GALNTL6: variants seen among roughly 807,000 people sequenced by gnomAD.
GALNTL6 encodes the protein polypeptide N-acetylgalactosaminyltransferase-like 6.
GALNTL6 carries 46 observed loss-of-function variants against 73.7 expected under a neutral mutation model. The observed-to-expected ratio is 0.62, with a 90% CI of 0.49 to 0.80. The LOEUF (loss-of-function observed/expected upper bound fraction) is 0.80, where lower values mean the gene tolerates loss of function less well. Among genes scored for constraint, GALNTL6 ranks in the 30% least tolerant of loss-of-function variants. The pLI is 0.00. For missense variants in GALNTL6, 604 were observed against 755.0 expected (o/e 0.80, Z 2.34); for synonymous variants, 259 against 263.7 (o/e 0.98, Z 0.17).
chr4:172,370,537 AGGAGAAT>A (rs1181262321), intron 5 of GALNTL6, among the ~76,000 whole-genome samples: 6 of 147,770 alleles, frequency 4.1e-5, no homozygotes, highest in Non-Finnish European at 8.9e-5. Context: ...TGGCTGAGGC[AGGAGAAT>A]GGTGTGAACC....
At chr4:172,227,708 C>T (rs73870039) in intron 2 of GALNTL6, among the ~76,000 whole-genome samples, 1,861 of 152,192 alleles carry the variant, frequency 0.012, 35 homozygotes, top group African/African-American at 0.041. Flanking sequence ...GCATCTGATG[C>T]TTTATTGTCA....
intron 9 of GALNTL6, among the ~76,000 whole-genome samples, chr4:172,943,320 G>T (rs1347061999): frequency 6.6e-6 from 1 of 152,068 alleles, no homozygotes; most frequent in Non-Finnish European, 1.5e-5. Flanking sequence ...CTTGGAAAAA[G>T]ATCTTCCAGC....
intron 2 of GALNTL6, among the ~76,000 whole-genome samples, chr4:171,937,885 C>T (rs1453604204): frequency 6.6e-6 from 1 of 152,012 alleles, no homozygotes; most frequent in East Asian, 1.9e-4. Context: ...GATAAAAAGG[C>T]TCAGTAATTA....
chr4:172,316,686 A>G (rs912083699), intron 4 of GALNTL6, among the ~76,000 whole-genome samples: 3 of 152,210 alleles, frequency 2.0e-5, no homozygotes, highest in African/African-American at 7.2e-5. Flanking sequence ...ACCATTTGAG[A>G]GATAGCCCCA....
intron 5 of GALNTL6, among the ~76,000 whole-genome samples, chr4:172,593,113 T>A (rs1458461321): frequency 6.6e-6 from 1 of 152,162 alleles, no homozygotes. Context: ...AACAGAGTAA[T>A]ATAAAATGCT....
chr4:172,003,192 G>A (rs1305747740), intron 2 of GALNTL6, among the ~76,000 whole-genome samples: 1 of 151,798 alleles, frequency 6.6e-6, no homozygotes, highest in African/African-American at 2.4e-5. Context: ...AGACAATTTT[G>A]CATTTTTTAT....
At chr4:172,389,477 A>G (rs926285318) in intron 5 of GALNTL6, among the ~76,000 whole-genome samples, 1 of 152,120 alleles carries the variant, frequency 6.6e-6, no homozygotes, top group African/African-American at 2.4e-5. Context: ...TTAAAAGGTT[A>G]GAAATTAAGT....
intron 5 of GALNTL6, among the ~76,000 whole-genome samples, chr4:172,792,569 A>G (rs150936078): frequency 6.6e-6 from 1 of 152,138 alleles, no homozygotes; most frequent in East Asian, 1.9e-4. Context: ...GCATTTAAAT[A>G]TTATAGTCAC....
chr4:172,560,184 C>T (rs1198077310), intron 5 of GALNTL6, among the ~76,000 whole-genome samples: 3 of 152,092 alleles, frequency 2.0e-5, no homozygotes, highest in Admixed American at 2.0e-4. Context: ...TTAAAAGAAG[C>T]AGAAGTGAGG....
At chr4:171,877,851 G>A (rs762296777) in intron 2 of GALNTL6, among the ~76,000 whole-genome samples, 2 of 152,192 alleles carry the variant, frequency 1.3e-5, no homozygotes, top group Non-Finnish European at 2.9e-5. Context: ...ATCGATTGAT[G>A]TTGAAAATGC....
In GALNTL6 at chr4:172,166,006, A is replaced by G. The variant is rs148369518; in HGVS notation, c.139-63650A>G. Among the ~76,000 whole-genome samples the G allele has an allele frequency of 1.7e-3, 260 of 152,362 alleles. 1 individual carries two copies. Among genetic ancestry groups the G allele is most frequent in the African/African-American group, 5.7e-3 (235 of 41,582 alleles). On this transcript the variant is annotated intron_variant, in intron 2 of 12. Transcript: ENST00000506823. Reference sequence around the variant, plus strand: ...AAATTCTGTTAAAAATTCACAAACTAGAATAAGATAAACAAAATTAAATAA... The same window carrying G: ...AAATTCTGTTAAAAATTCACAAACTGGAATAAGATAAACAAAATTAAATAA...
At chr4:172,567,666 T>C (rs1736606777) in intron 5 of GALNTL6, among the ~76,000 whole-genome samples, 1 of 152,096 alleles carries the variant, frequency 6.6e-6, no homozygotes, top group Admixed American at 6.5e-5. Flanking sequence ...TGAAACCCTG[T>C]CTTTATTAAA....
chr4:172,091,436 C>T lies in GALNTL6; in HGVS notation c.139-138220C>T, dbSNP rs191681654. On this transcript the variant is annotated intron_variant, in intron 2 of 12. Transcript: ENST00000506823. Reference sequence around the variant, plus strand: ...AGATCCCCCAAAATATCTTCAGATTCCTGGGCCTGCCAGGAAGTGACATTC... The same window carrying T: ...AGATCCCCCAAAATATCTTCAGATTTCTGGGCCTGCCAGGAAGTGACATTC... Among the ~76,000 whole-genome samples, 493 of 152,254 alleles carry T rather than the reference C, an allele frequency of 3.2e-3. 2 individuals carry two copies. Among genetic ancestry groups the T allele is most frequent in the Admixed American group, 8.4e-3 (128 of 15,296 alleles).
intron 5 of GALNTL6, among the ~76,000 whole-genome samples, chr4:172,792,981 C>A (rs1391648210): frequency 2.0e-5 from 3 of 152,100 alleles, no homozygotes; most frequent in Non-Finnish European, 4.4e-5. Context: ...TTGTCTCAAT[C>A]CCCTAAAATA....
chr4:172,604,905 C>G (rs796514751), intron 5 of GALNTL6, among the ~76,000 whole-genome samples: 7 of 152,282 alleles, frequency 4.6e-5, no homozygotes, highest in African/African-American at 1.7e-4. Flanking sequence ...ACAGATTTTG[C>G]TCTTTCTGAA....
intron 5 of GALNTL6, among the ~76,000 whole-genome samples, chr4:172,621,751 G>C (rs1351912502): frequency 6.6e-6 from 1 of 152,018 alleles, no homozygotes; most frequent in Admixed American, 6.6e-5. Flanking sequence ...TAGGTTTTAG[G>C]TTTCTACTTC....
chr4:172,794,458 C>T (rs534314848), intron 5 of GALNTL6, among the ~76,000 whole-genome samples: 22 of 152,160 alleles, frequency 1.4e-4, no homozygotes, highest in African/African-American at 5.3e-4. Flanking sequence ...TTTGACATAA[C>T]GAGGAAGAGT....
chr4:171,830,350 A>C (rs1203911394), intron 2 of GALNTL6, among the ~76,000 whole-genome samples: 1 of 152,208 alleles, frequency 6.6e-6, no homozygotes, highest in East Asian at 1.9e-4. Flanking sequence ...TCATACAATC[A>C]GGAATTGTCT....
At chr4:172,798,936 A>G (rs1047351625) in intron 5 of GALNTL6, among the ~76,000 whole-genome samples, 5 of 152,218 alleles carry the variant, frequency 3.3e-5, no homozygotes, top group Non-Finnish European at 7.3e-5. Context: ...ATCTTGTAAA[A>G]TGTTCATTTC....
Sources: gnomAD v4.1 joint callset for allele counts (sites outside exome capture counted in the v4.1 genomes callset) on GRCh38, gnomAD v4.1.1 for gene constraint, MANE v1.5 for transcripts, NCBI Gene and HGNC (gene_info 2026-07-23, HGNC 2026-07-21) for gene names.